Variants in POMT1 observed in about 807,000 individuals in gnomAD.
POMT1 encodes the protein protein O-mannosyl-transferase 1.
Under a neutral mutation model 101.6 loss-of-function variants are expected in POMT1, and 85 were observed. The observed-to-expected ratio is 0.84, with a 90% CI of 0.70 to 1.00. The LOEUF (loss-of-function observed/expected upper bound fraction) is 1.00. POMT1 is among the 50% of genes least tolerant of loss of function. POMT1 has a pLI of 0.00. For synonymous variants in POMT1, 371 were observed against 383.0 expected (o/e 0.97, Z 0.37); for missense variants, 857 against 930.4 (o/e 0.92, Z 1.03).
Position 131,506,193 on chromosome 9 carries a change from T to C in POMT1, c.202T>C (p.Phe68Leu), listed in dbSNP as rs138433752. 9 of 1,614,040 alleles carry C rather than the reference T, an allele frequency of 5.6e-6. No individual in the cohort carries two copies. The African/African-American group carries it at 8.0e-5, about 14-fold the overall frequency. ...CTTCTTGGATGACAGTGGGCCGCCA[T>C]TTGGCCACATGGTGCTGGCCTTGGG... is the stretch of plus-strand genomic sequence containing the variant. ...IFFLDDSGPP[F>L]GHMVLALGGY... is the part of the protein sequence containing the mutation. The change falls in exon 3 of 20, where the codon TTT (phenylalanine) becomes CTT (leucine). Residue 68 changes from phenylalanine (F) to leucine (L), a missense_variant. By Grantham distance (22) the Phe-to-Leu change is conservative. Transcript: ENST00000402686.
rs771833348 is a variant in POMT1, at chr9:131,506,232, C to G, written c.229+12C>G. 2 of 1,611,664 alleles carry G rather than the reference C, an allele frequency of 1.2e-6. No homozygotes were observed. Among genetic ancestry groups the G allele is most frequent in the Admixed American group, 3.3e-5 (2 of 60,004 alleles). ...GCTGGCCTTGGGAGGTAGGAGTCAT[C>G]AGGAGAGTAGCCCCTACCCTTCAGG... On this transcript the variant is annotated intron_variant, in intron 3 of 19. Transcript: ENST00000402686.
At chr9:131,508,339 G>A (rs1032810524) in intron 5 of POMT1, among the ~76,000 whole-genome samples, 2 of 151,644 alleles carry the variant, frequency 1.3e-5, no homozygotes, top group African/African-American at 4.8e-5. Flanking sequence ...GAGACCATCC[G>A]GGCCAACATG....
At chr9:131,504,027 C>T (rs1410071676) in intron 1 of POMT1, among the ~76,000 whole-genome samples, 162 bp from the exon 2 acceptor site, 1 of 152,184 alleles carries the variant, frequency 6.6e-6, no homozygotes, top group East Asian at 1.9e-4. Flanking sequence ...TGCCCCTCAC[C>T]CCACATGTCT....
At chr9:131,511,972 A>G (rs1276295640) in intron 10 of POMT1, 69 bp from the exon 11 acceptor site, 4 of 1,564,266 alleles carry the variant, frequency 2.6e-6, no homozygotes, top group Non-Finnish European at 3.5e-6. Context: ...CAGCCTCCCA[A>G]AGTGCTCTGA....
In POMT1 at chr9:131,519,365, T is replaced by C; in HGVS notation, c.1487-24T>C. On this transcript the variant is annotated intron_variant, in intron 15 of 19. Coordinates refer to ENST00000402686, the MANE Select transcript of POMT1 (RefSeq NM_001077365.2). This position sits in a 1 kb window ranked among gnomAD's most constrained non-coding sequence, Gnocchi z 4.3. ...CTTGACCTTGTGCTACTTCTATCTG[T>C]TATGCCCTTGTCTGTTCTGCCAGGC... The C allele has an allele frequency of 4.5e-6, 7 of 1,549,420 alleles. No individual in the cohort carries two copies. Among genetic ancestry groups the C allele is most frequent in the Non-Finnish European group, 6.1e-6 (7 of 1,145,552 alleles).
intron 17 of POMT1, 131 bp from the exon 18 acceptor site, chr9:131,521,215 G>T: frequency 5.5e-6 from 7 of 1,275,844 alleles, no homozygotes; most frequent in Non-Finnish European, 7.9e-6. Flanking sequence ...CCTAGTGGAT[G>T]CTAGGCTGTG....
intron 6 of POMT1, 92 bp downstream of exon 6, chr9:131,509,114 G>A (rs1388540198): frequency 1.1e-6 from 1 of 895,982 alleles, no homozygotes; most frequent in Non-Finnish European, 1.8e-6. Context: ...TTTTTGTTTC[G>A]TTTTGTGAGA....
rs1183445112 is a variant in POMT1 at position 131,523,353 on chromosome 9, G to A, written c.*247G>A. The stretch of plus-strand genomic sequence containing the variant: ...TCTTTACCCCTGAACTAAGACACAG[G>A]GAGTATTTCAGAGGCCAGCGTAGGA... On this transcript the variant is annotated 3_prime_UTR_variant, in exon 20 of 20. Transcript: ENST00000402686. The A allele has an allele frequency of 9.4e-6, 5 of 532,950 alleles. No individual in the cohort carries two copies. The East Asian group carries it at 1.7e-4, about 19-fold the overall frequency. 33.0% of individuals were successfully genotyped at this position (532,950 alleles called of 1,614,324 possible). A position where few individuals can be genotyped will look rare whatever the true frequency, so the allele number is the denominator to read the frequency against.
rs773343894 is a variant in POMT1 at position 131,521,411 on chromosome 9, C to T, written c.1764C>T (p.Tyr588=). 9.9e-6 allele frequency: 16 copies of T among 1,614,058 alleles called. No homozygotes were observed. The highest frequency in any genetic ancestry group is 6.6e-5 in the South Asian group (6 of 91,086). Reference sequence around the variant, plus strand: ...CGGGCAGCCTCGCTCTGGCCATCTACGCCCTGCTGTCCTTGTGGTACCTGC... The same window carrying T: ...CGGGCAGCCTCGCTCTGGCCATCTATGCCCTGCTGTCCTTGTGGTACCTGC... The part of the protein sequence containing the change: ...WVSGSLALAI[Y]ALLSLWYLLR... The change falls in exon 18 of 20, where the codon TAC becomes TAT. Residue 588 remains tyrosine (Y), a synonymous_variant. Coordinates refer to ENST00000402686, the MANE Select transcript of POMT1 (RefSeq NM_001077365.2).
At chr9:131,510,195 A>G (rs541084225) in intron 8 of POMT1, 65 bp from the exon 9 acceptor site, 6 of 1,611,994 alleles carry the variant, frequency 3.7e-6, no homozygotes, top group Non-Finnish European at 5.1e-6. Context: ...CTAAGCTCAC[A>G]ATGTCTAGAG....
chr9:131,509,145 G>T, intron 6 of POMT1, 123 bp downstream of exon 6: 3 of 730,978 alleles, frequency 4.1e-6, no homozygotes. Flanking sequence ...TCATTTTGAG[G>T]AGTTGCTTGC....
intron 5 of POMT1, among the ~76,000 whole-genome samples, chr9:131,507,893 G>A (rs897468125): frequency 1.3e-5 from 2 of 152,134 alleles, no homozygotes; most frequent in Non-Finnish European, 2.9e-5. Context: ...CTTCAGAGAG[G>A]GTCTTCCAGC....
intron 18 of POMT1, 62 bp from the exon 19 acceptor site, chr9:131,521,985 G>A: frequency 6.2e-7 from 1 of 1,608,818 alleles, no homozygotes; most frequent in Non-Finnish European, 8.5e-7. Flanking sequence ...AAAAGCAAAA[G>A]AGAGAGAAGA....
intron 9 of POMT1, 159 bp from the exon 10 acceptor site, chr9:131,511,178 T>C (rs1447220120): frequency 2.5e-6 from 2 of 785,894 alleles, no homozygotes; most frequent in Non-Finnish European, 4.0e-6. Flanking sequence ...GGTTCTATAA[T>C]GTAACGTGAT....
At chr9:131,517,799 G>C (rs910881781) in intron 13 of POMT1, among the ~76,000 whole-genome samples, 1 of 152,214 alleles carries the variant, frequency 6.6e-6, no homozygotes, top group Non-Finnish European at 1.5e-5. Flanking sequence ...ATAGAACAAG[G>C]AAGGAGGGAG....
chr9:131,505,758 G>A (rs981587645), intron 2 of POMT1, among the ~76,000 whole-genome samples: 5 of 151,312 alleles, frequency 3.3e-5, no homozygotes, highest in Admixed American at 2.0e-4. Context: ...TGGTGGGGGC[G>A]GGGGTGGGGG....
chr9:131,514,416 T>C (rs1156412207), intron 12 of POMT1, among the ~76,000 whole-genome samples: 2 of 152,240 alleles, frequency 1.3e-5, no homozygotes, highest in African/African-American at 4.8e-5. Context: ...GGCTCCCCCA[T>C]GGCCCCTCTA....
chr9:131,507,639 G>A (rs993187248), intron 5 of POMT1, 125 bp downstream of exon 5: 15 of 1,374,388 alleles, frequency 1.1e-5, no homozygotes, highest in Non-Finnish European at 1.4e-5. Flanking sequence ...ATCCAAATTT[G>A]ACGCTGCAAG....
chr9:131,520,012 T>C, intron 16 of POMT1, 68 bp from the exon 17 acceptor site: 1 of 1,306,304 alleles, frequency 7.7e-7, no homozygotes, highest in East Asian at 2.4e-5. Context: ...TGTACTCCTT[T>C]GACCAAATCC....
Sources: allele counts gnomAD v4.1 joint callset (sites outside exome capture counted in the v4.1 genomes callset), GRCh38; gene constraint gnomAD v4.1.1; non-coding constraint Gnocchi (gnomAD v3.1); transcripts MANE v1.5; gene names NCBI Gene and HGNC (gene_info 2026-07-23, HGNC 2026-07-21).